PRDM16: variants seen among roughly 807,000 people sequenced by gnomAD.
PRDM16 encodes PR/SET domain 16, also known as histone-lysine N-methyltransferase PRDM16.
Under a neutral mutation model 110.6 loss-of-function variants are expected in PRDM16, and 23 were observed. The ratio of observed to expected loss-of-function variants is 0.21; its 90% CI spans 0.15 to 0.29. The LOEUF (loss-of-function observed/expected upper bound fraction) is 0.29. PRDM16 is among the 10% of genes least tolerant of loss of function. The probability of loss-of-function intolerance (pLI) is 1.00; values close to 1 mark genes in which losing one functional copy is unlikely to be tolerated. For synonymous variants in PRDM16, 799 were observed against 781.8 expected (o/e 1.02, Z -0.37); for missense variants, 1,615 against 1,794.3 (o/e 0.90, Z 1.81).
At position 3,353,156 on chromosome 1, in the gene PRDM16, C is replaced by T. The variant is rs1163618974; in HGVS notation, c.439-31996C>T. ...GACTCCCACGCAGGGACGTCCCTCACAGCAGGATTTGCTGCTTCCTCCTGA... is the reference window on the plus strand; with the variant it reads ...GACTCCCACGCAGGGACGTCCCTCATAGCAGGATTTGCTGCTTCCTCCTGA... On this transcript the variant is annotated intron_variant, in intron 3 of 16. Coordinates refer to ENST00000270722, the MANE Select transcript of PRDM16 (RefSeq NM_022114.4). This position sits in a 1 kb window ranked among gnomAD's most constrained non-coding sequence, Gnocchi z 5.4. Among the ~76,000 whole-genome samples, 1 of 152,240 alleles carries T rather than the reference C, an allele frequency of 6.6e-6. No individual in the cohort carries two copies. Among genetic ancestry groups the T allele is most frequent in the Non-Finnish European group, 1.5e-5 (1 of 68,044 alleles).
At chr1:3,106,895 GC>G (rs1197626188) in intron 1 of PRDM16, among the ~76,000 whole-genome samples, 3 of 152,186 alleles carry the variant, frequency 2.0e-5, no homozygotes, top group East Asian at 3.9e-4. Context: ...GGCAGGTGTG[GC>G]TCCATGACAA....
rs1317834116 is a variant in PRDM16, at chr1:3,165,717, A to G, written c.38-20408A>G. Among the ~76,000 whole-genome samples the G allele has an allele frequency of 5.9e-5, 4 of 67,940 alleles. 2 individuals are homozygous for G. The highest frequency in any genetic ancestry group is 5.8e-4 in the Admixed American group (4 of 6,924). The allele number at this position is 67,940 out of a possible 152,430, so 44.6% of individuals were successfully genotyped here. On this transcript the variant is annotated intron_variant, in intron 1 of 16. Coordinates refer to ENST00000270722, the MANE Select transcript of PRDM16 (RefSeq NM_022114.4). ...GACAGGGACTCACCTGGGCTCAGGG[A>G]CAGTGACTCACCTGGGCTCAGGGAC...
chr1:3,295,038 C>T (rs1425300962), intron 3 of PRDM16, among the ~76,000 whole-genome samples: 2 of 152,210 alleles, frequency 1.3e-5, no homozygotes, highest in African/African-American at 2.4e-5. Context: ...CTCAGCCCCA[C>T]TGGGCTTTCT....
chr1:3,242,508 G>A (rs1639697092), intron 2 of PRDM16, among the ~76,000 whole-genome samples: 2 of 152,180 alleles, frequency 1.3e-5, no homozygotes, highest in African/African-American at 2.4e-5. Flanking sequence ...GATTCCACCT[G>A]AGCAGCTCCT....
At chr1:3,352,535 G>A (rs1325413028) in intron 3 of PRDM16, among the ~76,000 whole-genome samples, 2 of 152,088 alleles carry the variant, frequency 1.3e-5, no homozygotes, top group Admixed American at 1.3e-4. Flanking sequence ...CTCCCTCCAC[G>A]GGCCCAGCCT....
intron 3 of PRDM16, among the ~76,000 whole-genome samples, chr1:3,342,529 A>G (rs1473202264): frequency 1.3e-5 from 2 of 152,220 alleles, no homozygotes; most frequent in Non-Finnish European, 2.9e-5. Context: ...ATGATGTGTG[A>G]TATATACGGT....
chr1:3,245,626 C>T lies in PRDM16; in HGVS notation c.438+1489C>T, dbSNP rs971342051. ...TCAGTCCCCGCCGTCCACAGGATGCCTGAGGTCTTCCTGCACCCACGTTTG... is the reference window on the plus strand; with the variant it reads ...TCAGTCCCCGCCGTCCACAGGATGCTTGAGGTCTTCCTGCACCCACGTTTG... On this transcript the variant is annotated intron_variant, in intron 3 of 16. Coordinates refer to ENST00000270722, the MANE Select transcript of PRDM16 (RefSeq NM_022114.4). This position sits in a 1 kb window ranked among gnomAD's most constrained non-coding sequence, Gnocchi z 4.7. 5.9e-5 allele frequency among the ~76,000 whole-genome samples: 9 copies of T among 152,164 alleles called. 1 individual carries two copies. Among genetic ancestry groups the T allele is most frequent in the Non-Finnish European group, 2.9e-5 (2 of 68,030 alleles).
At chr1:3,238,441 G>A (rs1162882531) in intron 2 of PRDM16, among the ~76,000 whole-genome samples, 1 of 152,206 alleles carries the variant, frequency 6.6e-6, no homozygotes, top group Admixed American at 6.5e-5. Context: ...AGGCATAAAA[G>A]CTAAAAGCAG....
At chr1:3,074,063 A>AGAGGG (rs1456884901) in intron 1 of PRDM16, among the ~76,000 whole-genome samples, 4 of 152,164 alleles carry the variant, frequency 2.6e-5, no homozygotes, top group African/African-American at 9.7e-5. Context: ...AAACGGAGGC[A>AGAGGG]GAGGGTGGGG....
intron 3 of PRDM16, among the ~76,000 whole-genome samples, chr1:3,273,684 T>C (rs888390620): frequency 6.6e-6 from 1 of 151,890 alleles, no homozygotes; most frequent in Non-Finnish European, 1.5e-5. Context: ...TGTGTGTGTG[T>C]GCATGTGGCA....
intron 3 of PRDM16, among the ~76,000 whole-genome samples, chr1:3,335,642 C>CACACA (rs1570095583): frequency 2.7e-5 from 4 of 146,656 alleles, no homozygotes; most frequent in South Asian, 2.2e-4. Context: ...CACACACACA[C>CACACA]CCTTGGACAT....
chr1:3,181,333 A>ACACAGTCTTACACGC (rs1644173216), intron 1 of PRDM16, among the ~76,000 whole-genome samples: 1 of 25,396 alleles, frequency 3.9e-5, no homozygotes, highest in Non-Finnish European at 1.0e-4. Flanking sequence ...ATCTTACACA[A>ACACAGTCTTACACGC]GCAGTCTTAC....
intron 1 of PRDM16, among the ~76,000 whole-genome samples, chr1:3,087,375 C>T (rs1396169856): frequency 6.6e-6 from 1 of 152,192 alleles, no homozygotes; most frequent in Non-Finnish European, 1.5e-5. Context: ...CACCACAGAG[C>T]ACGGGCTGAG....
intron 3 of PRDM16, among the ~76,000 whole-genome samples, chr1:3,276,001 G>A (rs752518741): frequency 7.2e-5 from 11 of 152,184 alleles, no homozygotes; most frequent in East Asian, 1.9e-4. Context: ...CGGCCTCCCC[G>A]GTCTCTCTCA....
Position 3,124,909 on chromosome 1 carries a change from C to A in PRDM16, c.37+55613C>A, listed in dbSNP as rs552275152. Among the ~76,000 whole-genome samples, 200 of 152,334 alleles carry A rather than the reference C, an allele frequency of 1.3e-3. 5 individuals carry two copies. The South Asian group carries it at 0.04, about 30-fold the overall frequency. ...GGGAAGTAGGCTGGAGAAGGGGCCC[C>A]AGGTCTCAGGGGTACTGGAAGCGAG... On this transcript the variant is annotated intron_variant, in intron 1 of 16. Transcript: ENST00000270722.
chr1:3,328,271 T>C (rs1484623916), intron 3 of PRDM16, among the ~76,000 whole-genome samples: 1 of 152,256 alleles, frequency 6.6e-6, no homozygotes, highest in Non-Finnish European at 1.5e-5. Flanking sequence ...CTGCTGACAT[T>C]TGTGGTCAGA....
At chr1:3,384,283 G>A (rs1249825631) in intron 3 of PRDM16, among the ~76,000 whole-genome samples, 1 of 152,202 alleles carries the variant, frequency 6.6e-6, no homozygotes, top group Non-Finnish European at 1.5e-5. Flanking sequence ...CTCCTGCCCT[G>A]TCTGGGCTGG....
chr1:3,380,134 G>C (rs61043152), intron 3 of PRDM16, among the ~76,000 whole-genome samples: 1 of 146,934 alleles, frequency 6.8e-6, no homozygotes, highest in African/African-American at 2.6e-5. Flanking sequence ...CTCCTAACAT[G>C]CCCCTCCCGG....
rs75623240 is a variant in PRDM16, at chr1:3,303,649, A to T, written c.438+59512A>T. 5.1e-3 allele frequency among the ~76,000 whole-genome samples: 781 copies of T among 152,340 alleles called. 51 individuals carry two copies. In the East Asian group the frequency reaches 0.13, roughly 25 times the overall value. ...TTGAGGAACTGTCAGACTGTTCTCC[A>T]TGGCGGCTGCACCGGTTCACATTCC... On this transcript the variant is annotated intron_variant, in intron 3 of 16. Coordinates refer to ENST00000270722, the MANE Select transcript of PRDM16 (RefSeq NM_022114.4).
Sources: gnomAD v4.1 joint callset for allele counts (sites outside exome capture counted in the v4.1 genomes callset) on GRCh38, gnomAD v4.1.1 for gene constraint, Gnocchi (gnomAD v3.1) non-coding constraint, MANE v1.5 for transcripts, NCBI Gene and HGNC (gene_info 2026-07-23, HGNC 2026-07-21) for gene names.